Variants in PTPRD observed in about 807,000 individuals in gnomAD.
PTPRD encodes the protein protein tyrosine phosphatase receptor type D.
Under a neutral mutation model 214.5 loss-of-function variants are expected in PTPRD, and 34 were observed. The ratio of observed to expected loss-of-function variants is 0.16; its 90% CI spans 0.12 to 0.21. PTPRD has a LOEUF of 0.21. Ranked by LOEUF, PTPRD falls within the 10% of genes least tolerant of loss-of-function variation. The pLI is 1.00. For synonymous variants in PTPRD, 1,128 were observed against 845.7 expected (o/e 1.33, Z -5.79); for missense variants, 2,545 against 2,398.7 (o/e 1.06, Z -1.27).
chr9:8,429,915 C>T (rs1218528755), intron 35 of PTPRD, among the ~76,000 whole-genome samples: 1 of 152,186 alleles, frequency 6.6e-6, no homozygotes, highest in South Asian at 2.1e-4. Flanking sequence ...TAAGGTAATA[C>T]TACTAACAGA....
chr9:8,921,621 G>A (rs552620044), intron 11 of PTPRD, among the ~76,000 whole-genome samples: 18 of 152,112 alleles, frequency 1.2e-4, no homozygotes, highest in African/African-American at 4.1e-4. Context: ...AACCTCCTGA[G>A]TAGCTGGGAT....
chr9:8,781,212 G>C (rs1599587529), intron 11 of PTPRD, among the ~76,000 whole-genome samples: 2 of 152,278 alleles, frequency 1.3e-5, no homozygotes, highest in South Asian at 4.1e-4. Context: ...TCATCGGCAG[G>C]GGGCAATCAG....
chr9:8,420,044 T>A (rs1314825971), intron 35 of PTPRD, among the ~76,000 whole-genome samples: 1 of 152,130 alleles, frequency 6.6e-6, no homozygotes, highest in Non-Finnish European at 1.5e-5. Flanking sequence ...ACCCCTCACA[T>A]GGTACATGTA....
At chr9:9,580,410 G>T (rs926804289) in intron 7 of PTPRD, among the ~76,000 whole-genome samples, 22 of 152,174 alleles carry the variant, frequency 1.4e-4, no homozygotes, top group South Asian at 2.1e-4. Flanking sequence ...ATTGATGTAA[G>T]ATGATATGAC....
chr9:10,283,242 T>C (rs746727223), intron 3 of PTPRD, among the ~76,000 whole-genome samples: 6 of 152,126 alleles, frequency 3.9e-5, no homozygotes, highest in Non-Finnish European at 8.8e-5. Flanking sequence ...AGGACACATG[T>C]CCTGATGTAT....
At chr9:8,671,354 G>C (rs902960328) in intron 12 of PTPRD, among the ~76,000 whole-genome samples, 1 of 152,044 alleles carries the variant, frequency 6.6e-6, no homozygotes, top group African/African-American at 2.4e-5. Flanking sequence ...TCTTGAAAAG[G>C]TGTTTTGGAA....
chr9:8,887,217 C>T (rs2098498584), intron 11 of PTPRD, among the ~76,000 whole-genome samples: 1 of 152,134 alleles, frequency 6.6e-6, no homozygotes, highest in Admixed American at 6.5e-5. Context: ...TTTCTGCTGC[C>T]TCTTCTTAAA....
chr9:9,677,826 T>C (rs2096967500), intron 7 of PTPRD, among the ~76,000 whole-genome samples: 1 of 152,060 alleles, frequency 6.6e-6, no homozygotes, highest in Non-Finnish European at 1.5e-5. Flanking sequence ...AACCCTATCA[T>C]CTCAGCCCAA....
intron 8 of PTPRD, among the ~76,000 whole-genome samples, chr9:9,487,047 T>A (rs1010571966): frequency 1.3e-5 from 2 of 152,130 alleles, no homozygotes; most frequent in Non-Finnish European, 2.9e-5. Context: ...AACCAGTCAT[T>A]ACTCATTTTC....
At chr9:10,111,060 A>G (rs1381490270) in intron 3 of PTPRD, among the ~76,000 whole-genome samples, 2 of 152,054 alleles carry the variant, frequency 1.3e-5, no homozygotes, top group Non-Finnish European at 2.9e-5. Flanking sequence ...GGCTTTATAT[A>G]CATTCTTTGA....
At chr9:8,954,230 A>C (rs2099119154) in intron 11 of PTPRD, among the ~76,000 whole-genome samples, 1 of 151,998 alleles carries the variant, frequency 6.6e-6, no homozygotes, top group Admixed American at 6.6e-5. Flanking sequence ...ATCCTAAGTG[A>C]ACTAAAGCAG....
chr9:9,355,637 T>C (rs1487145770), intron 9 of PTPRD, among the ~76,000 whole-genome samples: 1 of 151,330 alleles, frequency 6.6e-6, no homozygotes, highest in Non-Finnish European at 1.5e-5. Flanking sequence ...AAGCAGGAAG[T>C]TGGATATGTA....
intron 12 of PTPRD, among the ~76,000 whole-genome samples, chr9:8,732,493 T>C (rs1429355239): frequency 1.3e-5 from 2 of 152,218 alleles, no homozygotes; most frequent in Non-Finnish European, 2.9e-5. Context: ...AAATAAGCTT[T>C]GACATAAATG....
chr9:10,482,364 C>A (rs1371747514), intron 2 of PTPRD, among the ~76,000 whole-genome samples: 1 of 151,714 alleles, frequency 6.6e-6, no homozygotes, highest in Non-Finnish European at 1.5e-5. Flanking sequence ...GAGCAAGACT[C>A]CGTTTCAATA....
intron 10 of PTPRD, among the ~76,000 whole-genome samples, chr9:9,113,163 A>C (rs1386870268): frequency 6.6e-6 from 1 of 151,522 alleles, no homozygotes; most frequent in Non-Finnish European, 1.5e-5. Context: ...TTTTTTAGAG[A>C]TGGGGTCTCA....
At chr9:9,756,341 C>T (rs1300422164) in intron 6 of PTPRD, among the ~76,000 whole-genome samples, 3 of 151,952 alleles carry the variant, frequency 2.0e-5, no homozygotes, top group African/African-American at 7.3e-5. Context: ...CTTGCTAGAA[C>T]ACTAGTTCCT....
intron 7 of PTPRD, among the ~76,000 whole-genome samples, chr9:9,676,428 C>T (rs951589087): frequency 9.9e-5 from 15 of 152,090 alleles, no homozygotes; most frequent in African/African-American, 3.6e-4. Context: ...TTTCCAGCTT[C>T]ATCCATGTCC....
intron 9 of PTPRD, among the ~76,000 whole-genome samples, chr9:9,356,572 A>T (rs2053869772): frequency 1.3e-5 from 2 of 151,432 alleles, no homozygotes. Context: ...TCTCCATTTC[A>T]ATCACGTTTG....
chr9:9,855,635 G>A (rs770385095), intron 5 of PTPRD, among the ~76,000 whole-genome samples: 2 of 152,176 alleles, frequency 1.3e-5, no homozygotes, highest in African/African-American at 2.4e-5. Flanking sequence ...GAGTGCAGAA[G>A]CACTGGAACC....
Sources: gnomAD v4.1 joint callset for allele counts (sites outside exome capture counted in the v4.1 genomes callset) on GRCh38, gnomAD v4.1.1 for gene constraint, MANE v1.5 for transcripts, NCBI Gene and HGNC (gene_info 2026-07-23, HGNC 2026-07-21) for gene names.